Variants in LRP2 observed in about 807,000 individuals in gnomAD.
LRP2 encodes LDL receptor related protein 2.
LRP2 carries 172 observed loss-of-function variants against 531.0 expected under a neutral mutation model. The ratio of observed to expected loss-of-function variants is 0.32; its 90% CI spans 0.29 to 0.37. The LOEUF (loss-of-function observed/expected upper bound fraction) is 0.37. LRP2 is among the 10% of genes least tolerant of loss of function. The probability of loss-of-function intolerance (pLI) is 1.00; values close to 1 mark genes in which losing one functional copy is unlikely to be tolerated. For synonymous variants in LRP2, 1,992 were observed against 2,027.6 expected, an observed-to-expected ratio of 0.98 and a Z score of 0.47; for missense variants, 5,167 against 5,868.3, an observed-to-expected ratio of 0.88 and a Z score of 3.90.
intron 77 of LRP2, among the ~76,000 whole-genome samples, chr2:169,130,316 C>A (rs1295426393): frequency 7.1e-6 from 1 of 140,428 alleles, no homozygotes; most frequent in Non-Finnish European, 1.5e-5. Flanking sequence ...GAGATGAAGT[C>A]TCACTCTGTC....
At chr2:169,139,701 T>A (rs1685651122) in intron 72 of LRP2, 91 bp from the exon 73 acceptor site, 1 of 1,081,714 alleles carries the variant, frequency 9.2e-7, no homozygotes, top group South Asian at 1.2e-5. Context: ...GAGAGAGCTT[T>A]GACTGCATAA....
At chr2:169,285,308 T>C (rs1274583997) in intron 9 of LRP2, among the ~76,000 whole-genome samples, 1 of 151,884 alleles carries the variant, frequency 6.6e-6, no homozygotes, top group Non-Finnish European at 1.5e-5. Flanking sequence ...AAACAGGATT[T>C]GAATGAGTGT....
At chr2:169,236,162 T>G in intron 28 of LRP2, 94 bp from the exon 29 acceptor site, 1 of 912,794 alleles carries the variant, frequency 1.1e-6, no homozygotes, top group Non-Finnish European at 1.8e-6. Flanking sequence ...GTTTATGCCC[T>G]GCTTAAAATA....
At chr2:169,162,445 G>T (rs747661715) in intron 63 of LRP2, 27 bp downstream of exon 63, 4 of 1,613,098 alleles carry the variant, frequency 2.5e-6, no homozygotes, top group Non-Finnish European at 3.4e-6. Flanking sequence ...TTACTACAAT[G>T]AACTATAAAA....
At chr2:169,240,856 C>T (rs1689778519) in intron 25 of LRP2, 132 bp downstream of exon 25, 11 of 1,052,576 alleles carry the variant, frequency 1.0e-5, no homozygotes, top group Non-Finnish European at 1.6e-5. Flanking sequence ...TTACCCCCTA[C>T]ACAGATGTGA....
In LRP2 at chr2:169,274,123, A is replaced by G. The variant is rs189038253; in HGVS notation, c.1975+913T>C. Among the ~76,000 whole-genome samples, 30 of 152,268 alleles carry G rather than the reference A, an allele frequency of 2.0e-4. 1 individual carries two copies. In the East Asian group the frequency reaches 5.8e-3, roughly 29 times the overall value. ...ATCCATCACTTAACATGAGTTTTAG[A>G]GCAAATCTGTTTTCCTCTAAATTAT... is the stretch of plus-strand genomic sequence containing the variant. On this transcript the variant is annotated intron_variant, in intron 14 of 78. Transcript: ENST00000649046.
intron 58 of LRP2, among the ~76,000 whole-genome samples, chr2:169,171,069 T>C (rs577692506): frequency 2.0e-5 from 3 of 152,014 alleles, no homozygotes; most frequent in Non-Finnish European, 4.4e-5. Flanking sequence ...CTTGATTTTA[T>C]CTTAATTTTT....
chr2:169,147,073 T>G, intron 68 of LRP2, 114 bp from the exon 69 acceptor site: 1 of 824,280 alleles, frequency 1.2e-6, no homozygotes. Flanking sequence ...GGGACCTGGG[T>G]GCTCAGTGAC....
At chr2:169,336,058 A>G (rs912142983) in intron 1 of LRP2, among the ~76,000 whole-genome samples, 2 of 152,052 alleles carry the variant, frequency 1.3e-5, no homozygotes, top group African/African-American at 4.8e-5. Context: ...CACTATCCTA[A>G]TTCTCTAAAC....
rs776076068 is a variant in LRP2 at position 169,320,889 on chromosome 2, A to C, written c.80-5T>G. The C allele has an allele frequency of 2.5e-6, 4 of 1,600,968 alleles. No individual in the cohort carries two copies. Among genetic ancestry groups the C allele is most frequent in the Non-Finnish European group, 2.6e-6 (3 of 1,167,964 alleles). On this transcript the variant is annotated splice_polypyrimidine_tract_variant and splice_region_variant and intron_variant, in intron 1 of 78. Transcript: ENST00000649046. ...GAAAATGCGCACTGTCACATTCTGC[A>C]ATAATAGACAGAAATTTTAAAAACT...
At chr2:169,168,414 G>T in intron 61 of LRP2, 125 bp downstream of exon 61, 2 of 1,189,100 alleles carry the variant, frequency 1.7e-6, no homozygotes, top group Non-Finnish European at 2.5e-6. Flanking sequence ...TAACACCAAC[G>T]CTGATCCTGT....
At position 169,170,926 on chromosome 2, in the gene LRP2, T is replaced by G. The variant is rs796106826; in HGVS notation, c.11264-259A>C. Among the ~76,000 whole-genome samples the G allele has an allele frequency of 3.2e-3, 470 of 145,048 alleles. 1 individual carries two copies. The highest frequency in any genetic ancestry group is 0.011 in the African/African-American group (444 of 39,050). ...CTCTCTTGCTCTCTCTCTCTGTTTT[T>G]TTTTTTTTTTTTTTTTTTGAAACAG... On this transcript the variant is annotated intron_variant, in intron 58 of 78. Coordinates refer to ENST00000649046, the MANE Select transcript of LRP2 (RefSeq NM_004525.3).
intron 16 of LRP2, among the ~76,000 whole-genome samples, chr2:169,263,533 A>G (rs1690660924): frequency 6.6e-6 from 1 of 150,686 alleles, no homozygotes; most frequent in Admixed American, 6.6e-5. Context: ...ATGCAAATCA[A>G]AACCACAATG....
At chr2:169,351,966 C>T (rs572857701) in intron 1 of LRP2, among the ~76,000 whole-genome samples, 32 of 152,116 alleles carry the variant, frequency 2.1e-4, no homozygotes, top group African/African-American at 7.5e-4. Flanking sequence ...GGTGAAGAGG[C>T]GGTAGGATCA....
chr2:169,226,084 T>C (rs565645473), intron 32 of LRP2, among the ~76,000 whole-genome samples: 2 of 152,364 alleles, frequency 1.3e-5, no homozygotes, highest in East Asian at 1.9e-4. Flanking sequence ...GGGGCAAGCA[T>C]TGTGACTGCT....
At chr2:169,169,675 G>A in intron 60 of LRP2, 27 bp downstream of exon 60, 1 of 1,548,222 alleles carries the variant, frequency 6.5e-7, no homozygotes, top group South Asian at 1.1e-5. Flanking sequence ...CAGGTAAGCA[G>A]TACTACATAT....
chr2:169,197,260 C>CAA (rs145613993), intron 45 of LRP2, among the ~76,000 whole-genome samples: 14 of 139,722 alleles, frequency 1.0e-4, no homozygotes, highest in East Asian at 4.2e-4. Context: ...TTCCAGAAAT[C>CAA]AAAAAAAAAA....
intron 16 of LRP2, among the ~76,000 whole-genome samples, chr2:169,267,529 C>A (rs1469799615): frequency 6.6e-6 from 1 of 152,120 alleles, no homozygotes; most frequent in African/African-American, 2.4e-5. Context: ...GAAATGAAGG[C>A]AGAAATAAAG....
Position 169,227,577 on chromosome 2 carries a change from T to A in LRP2, c.5228-989A>T, listed in dbSNP as rs557209727. ...AGATATATCACATATTAAGACAAAG[T>A]ATGAAATGATTAATCATTACACAAC... is the stretch of plus-strand genomic sequence containing the variant. On this transcript the variant is annotated intron_variant, in intron 31 of 78. Transcript: ENST00000649046. Among the ~76,000 whole-genome samples, 6 of 152,324 alleles carry A rather than the reference T, an allele frequency of 3.9e-5. No homozygotes were observed. The South Asian group carries it at 1.2e-3, about 32-fold the overall frequency.
Sources: allele counts gnomAD v4.1 joint callset (sites outside exome capture counted in the v4.1 genomes callset), GRCh38; gene constraint gnomAD v4.1.1; transcripts MANE v1.5; gene names NCBI Gene and HGNC (gene_info 2026-07-23, HGNC 2026-07-21).